Variants in DSCAM observed in about 807,000 individuals in gnomAD.
The protein encoded by DSCAM is DS cell adhesion molecule.
Under a neutral mutation model 217.7 loss-of-function variants are expected in DSCAM, and 47 were observed. The observed-to-expected ratio is 0.22, with a 90% CI of 0.17 to 0.28. The LOEUF is 0.28. Ranked by LOEUF, DSCAM falls within the 10% of genes least tolerant of loss-of-function variation. DSCAM has a pLI of 1.00. For synonymous variants in DSCAM, 1,056 were observed against 1,015.3 expected (o/e 1.04, Z -0.76); for missense variants, 2,080 against 2,618.3 (o/e 0.79, Z 4.49).
rs570570000 is a variant in DSCAM, at chr21:40,265,743, A to G, written c.2356+10354T>C. ...AGCATATAAAAACATAATGGATTAGACACACAATTTAAGGAGAATACAACT... is the reference window on the plus strand; with the variant it reads ...AGCATATAAAAACATAATGGATTAGGCACACAATTTAAGGAGAATACAACT... On this transcript the variant is annotated intron_variant, in intron 11 of 32. Transcript: ENST00000400454. Among the ~76,000 whole-genome samples, 22 of 152,348 alleles carry G rather than the reference A, an allele frequency of 1.4e-4. No homozygotes were observed. In the South Asian group the frequency reaches 4.6e-3, roughly 32 times the overall value.
chr21:40,062,716 T>C (rs115626207), intron 28 of DSCAM, among the ~76,000 whole-genome samples, 153 bp downstream of exon 28: 5,430 of 152,286 alleles, frequency 0.036, 161 homozygotes, highest in African/African-American at 0.075. Context: ...ATTACATGGA[T>C]ATTTTGGAAT....
At chr21:40,138,188 G>A (rs536898648) in intron 18 of DSCAM, among the ~76,000 whole-genome samples, 1 of 152,012 alleles carries the variant, frequency 6.6e-6, no homozygotes, top group African/African-American at 2.4e-5. Flanking sequence ...TCGGGCTATT[G>A]CTAATTACAG....
intron 18 of DSCAM, among the ~76,000 whole-genome samples, chr21:40,138,581 G>A (rs940161402): frequency 4.8e-5 from 7 of 145,590 alleles, no homozygotes; most frequent in Non-Finnish European, 9.0e-5. Context: ...GGGTGTGTGT[G>A]GTGTGGTATG....
intron 3 of DSCAM, among the ~76,000 whole-genome samples, chr21:40,577,490 C>A (rs1251464918): frequency 6.6e-6 from 1 of 152,134 alleles, no homozygotes; most frequent in East Asian, 1.9e-4. Context: ...TCCGGGGGAG[C>A]CCGGAGCGAG....
At chr21:40,384,225 A>G (rs900773473) in intron 3 of DSCAM, 1 of 152,492 alleles carries the variant, frequency 6.6e-6, no homozygotes, top group Non-Finnish European at 1.5e-5. Context: ...CAAAAGGTAG[A>G]CATAAGGGAG....
chr21:40,342,648 ATTT>A (rs1202355440), intron 6 of DSCAM, among the ~76,000 whole-genome samples: 3 of 80,318 alleles, frequency 3.7e-5, no homozygotes, highest in African/African-American at 1.0e-4. Flanking sequence ...ATATATATAT[ATTT>A]TTTTTTTTTT....
intron 3 of DSCAM, among the ~76,000 whole-genome samples, chr21:40,530,903 A>C (rs1180514757): frequency 1.2e-5 from 1 of 81,022 alleles, no homozygotes; most frequent in African/African-American, 1.0e-4. Context: ...CCATCCATCC[A>C]TCCATCCATC....
At chr21:40,773,231 C>G (rs915659183) in intron 1 of DSCAM, among the ~76,000 whole-genome samples, 10 of 152,258 alleles carry the variant, frequency 6.6e-5, no homozygotes, top group African/African-American at 2.2e-4. Flanking sequence ...GCTGCCATAA[C>G]AAACTTCCAC....
chr21:40,699,183 T>C (rs1018608006), intron 2 of DSCAM, among the ~76,000 whole-genome samples: 2 of 152,328 alleles, frequency 1.3e-5, no homozygotes, highest in Admixed American at 6.5e-5. Flanking sequence ...TGATCTTTGA[T>C]ATTACTATTG....
At chr21:40,292,697 C>T (rs2073908083) in intron 10 of DSCAM, among the ~76,000 whole-genome samples, 1 of 151,910 alleles carries the variant, frequency 6.6e-6, no homozygotes, top group South Asian at 2.1e-4. Context: ...AACACATATA[C>T]AAAGATAAAT....
intron 3 of DSCAM, among the ~76,000 whole-genome samples, chr21:40,626,586 A>G (rs1309463968): frequency 6.6e-6 from 1 of 152,142 alleles, no homozygotes; most frequent in Non-Finnish European, 1.5e-5. Flanking sequence ...AGTCAACCTC[A>G]TCTTCTTTTT....
chr21:40,680,017 TAAG>T (rs976278333), intron 3 of DSCAM, among the ~76,000 whole-genome samples: 10 of 152,032 alleles, frequency 6.6e-5, no homozygotes, highest in East Asian at 1.9e-4. Context: ...ATAATAATAA[TAAG>T]AAGAAGAAGG....
chr21:40,605,791 CTTTTTTTT>C (rs755767800), intron 3 of DSCAM, among the ~76,000 whole-genome samples: 15 of 62,006 alleles, frequency 2.4e-4, no homozygotes, highest in East Asian at 5.5e-4. Context: ...AATGCACATT[CTTTTTTTT>C]TTTTTTTTTT....
intron 1 of DSCAM, among the ~76,000 whole-genome samples, chr21:40,750,185 C>T (rs1168369949): frequency 3.9e-5 from 6 of 152,066 alleles, no homozygotes; most frequent in Non-Finnish European, 8.8e-5. Flanking sequence ...ATCTCAGCCT[C>T]CCAATGTGCT....
Position 40,085,116 on chromosome 21 carries a change from T to A in DSCAM, c.4132+486A>T, listed in dbSNP as rs542067113. Among the ~76,000 whole-genome samples, 8 of 152,342 alleles carry A rather than the reference T, an allele frequency of 5.3e-5. No homozygotes were observed. The East Asian group carries it at 1.5e-3, about 29-fold the overall frequency. On this transcript the variant is annotated intron_variant, in intron 23 of 32. Coordinates refer to ENST00000400454, the MANE Select transcript of DSCAM (RefSeq NM_001389.5). The stretch of plus-strand genomic sequence containing the variant: ...TTGTGTATGATATCAAGAAAAATAC[T>A]TAGTATTAAATACATAGCTAAATAC...
chr21:40,810,345 C>T (rs2091827239), intron 1 of DSCAM, among the ~76,000 whole-genome samples: 2 of 152,164 alleles, frequency 1.3e-5, no homozygotes, highest in Admixed American at 1.3e-4. Context: ...ATTGTTTCTA[C>T]TCCAGAAATT....
At chr21:40,481,684 AT>A (rs767856743) in intron 3 of DSCAM, among the ~76,000 whole-genome samples, 3 of 152,102 alleles carry the variant, frequency 2.0e-5, no homozygotes, top group Admixed American at 6.5e-5. Context: ...TCTTCTTCTG[AT>A]TTTTAAAGTT....
chr21:40,189,061 T>C lies in DSCAM; in HGVS notation c.2534A>G (p.Glu845Gly). 2 of 1,614,184 alleles carry C rather than the reference T, an allele frequency of 1.2e-6. No homozygotes were observed. The highest frequency in any genetic ancestry group is 1.7e-6 in the Non-Finnish European group (2 of 1,180,028). The change falls in exon 12 of 33, where the codon GAG becomes GGG. Residue 845 changes from glutamate to glycine, a missense_variant. Glu to Gly is a moderately conservative substitution (Grantham distance 98). This residue lies in a region of DSCAM where 1,144 missense variants were observed against 1,421.1 expected (regional missense o/e 0.81). Coordinates refer to ENST00000400454, the MANE Select transcript of DSCAM (RefSeq NM_001389.5). Reference sequence around the variant, plus strand: ...TTTTACCTGCAGAGTAGAAATCACCTCTTCTCCCACCTCCTTGGTGGACAC... The same window carrying C: ...TTTTACCTGCAGAGTAGAAATCACCCCTTCTCCCACCTCCTTGGTGGACAC... ...YLVSTKEVGE[E>G]VISTLQILPT...
intron 3 of DSCAM, among the ~76,000 whole-genome samples, chr21:40,451,740 T>C (rs577019111): frequency 3.4e-4 from 52 of 152,318 alleles, no homozygotes; most frequent in Non-Finnish European, 7.2e-4. Flanking sequence ...CTGGAGGATG[T>C]GTGCACGCCA....
Sources: gnomAD v4.1 joint callset for allele counts (sites outside exome capture counted in the v4.1 genomes callset) on GRCh38, gnomAD v4.1.1 for gene constraint, gnomAD v4.1.1 regional missense constraint, MANE v1.5 for transcripts, NCBI Gene and HGNC (gene_info 2026-07-23, HGNC 2026-07-21) for gene names.